Variants in PXDNL observed in about 807,000 individuals in gnomAD.
PXDNL encodes peroxidasin like, also known as probable oxidoreductase PXDNL.
A neutral mutation model predicts 150.8 loss-of-function variants in PXDNL; 145 were observed. The observed-to-expected ratio is 0.96, with a 90% CI of 0.84 to 1.10. The LOEUF (loss-of-function observed/expected upper bound fraction) is 1.10, where lower values mean the gene tolerates loss of function less well. Among genes scored for constraint, PXDNL ranks in the 50% least tolerant of loss-of-function variants. The probability of loss-of-function intolerance (pLI) is 0.00; values close to 1 mark genes in which losing one functional copy is unlikely to be tolerated. For missense variants in PXDNL, 2,087 were observed against 1,873.9 expected (o/e 1.11, Z -2.10); for synonymous variants, 757 against 725.7 (o/e 1.04, Z -0.69).
intron 1 of PXDNL, among the ~76,000 whole-genome samples, chr8:51,723,415 A>C (rs961260985): frequency 4.6e-5 from 7 of 152,040 alleles, no homozygotes; most frequent in South Asian, 4.2e-4. Flanking sequence ...GCTTCCCAGA[A>C]CTCGTGCCGT....
chr8:51,391,559 C>A (rs1316260653), intron 17 of PXDNL, among the ~76,000 whole-genome samples: 1 of 152,134 alleles, frequency 6.6e-6, no homozygotes, highest in Non-Finnish European at 1.5e-5. Context: ...AGTGTCTGTT[C>A]GTGTCCTTCA....
intron 14 of PXDNL, among the ~76,000 whole-genome samples, chr8:51,414,857 A>G (rs1808752743): frequency 6.6e-6 from 1 of 152,242 alleles, no homozygotes; most frequent in African/African-American, 2.4e-5. Flanking sequence ...TAATAAGGAT[A>G]TAACATGCTC....
intron 2 of PXDNL, among the ~76,000 whole-genome samples, chr8:51,650,512 C>A (rs962366135): frequency 9.2e-5 from 14 of 152,180 alleles, no homozygotes; most frequent in African/African-American, 3.1e-4. Flanking sequence ...CAGCCAGAGT[C>A]TTTTTTACAT....
At chr8:51,799,322 G>A (rs76180620) in intron 1 of PXDNL, among the ~76,000 whole-genome samples, 4,034 of 152,172 alleles carry the variant, frequency 0.027, 83 homozygotes, top group East Asian at 0.06. Flanking sequence ...TAGGTGCAGC[G>A]AGTCACTATA....
At chr8:51,448,144 G>C (rs1455508086) in intron 11 of PXDNL, among the ~76,000 whole-genome samples, 1 of 152,202 alleles carries the variant, frequency 6.6e-6, no homozygotes, top group Non-Finnish European at 1.5e-5. Flanking sequence ...ATGGAAAGTA[G>C]GATTCCCAAG....
chr8:51,794,040 G>A (rs1239502765), intron 1 of PXDNL, among the ~76,000 whole-genome samples: 3 of 151,890 alleles, frequency 2.0e-5, no homozygotes, highest in East Asian at 1.9e-4. Context: ...ATCATTAACC[G>A]AATAGACCAA....
intron 5 of PXDNL, among the ~76,000 whole-genome samples, chr8:51,486,218 A>C (rs1362234911): frequency 1.3e-5 from 2 of 152,230 alleles, no homozygotes. Context: ...AAAACAAATC[A>C]AAAGAAAAGT....
At chr8:51,339,498 C>T in intron 21 of PXDNL, 126 bp downstream of exon 21, 2 of 946,702 alleles carry the variant, frequency 2.1e-6, no homozygotes, top group Non-Finnish European at 3.1e-6. Context: ...AGCAATACAA[C>T]TCCCTGTATA....
chr8:51,625,306 TG>T (rs1054123620), intron 2 of PXDNL, among the ~76,000 whole-genome samples: 1 of 152,190 alleles, frequency 6.6e-6, no homozygotes. Context: ...AAGCGATGTA[TG>T]ATTTTAAAAT....
At chr8:51,351,870 C>T (rs1266118422) in intron 19 of PXDNL, among the ~76,000 whole-genome samples, 1 of 152,050 alleles carries the variant, frequency 6.6e-6, no homozygotes, top group Admixed American at 6.6e-5. Context: ...ATGTTATCTC[C>T]ACAACATAGT....
chr8:51,574,279 A>AT (rs1813006198), intron 3 of PXDNL, among the ~76,000 whole-genome samples: 1 of 152,046 alleles, frequency 6.6e-6, no homozygotes, highest in Non-Finnish European at 1.5e-5. Flanking sequence ...AGTAAAAAAA[A>AT]CTCAATGTAT....
At position 51,423,651 on chromosome 8, in the gene PXDNL, A is replaced by G. The variant is rs776699225; in HGVS notation, c.1719T>C (p.Pro573=). The G allele has an allele frequency of 6.2e-7, 1 of 1,613,984 alleles. No homozygotes were observed. Among genetic ancestry groups the G allele is most frequent in the South Asian group, 1.1e-5 (1 of 91,078 alleles). The stretch of plus-strand genomic sequence containing the variant: ...CCACACATTCATATCTTCCCTGGTC[A>G]GGGAACCCTGCGTCGTAGATAGTCA... ...GTLTIYDAGF[P]DQGRYECVAR... The change falls in exon 14 of 23, where the codon CCT becomes CCC. Residue 573 remains proline, a synonymous_variant. Transcript: ENST00000356297.
At chr8:51,592,526 C>T (rs1455130623) in intron 3 of PXDNL, 101 bp downstream of exon 3, 8 of 718,190 alleles carry the variant, frequency 1.1e-5, no homozygotes, top group African/African-American at 3.7e-5. Context: ...CTGCTTTTCA[C>T]GAAGGTAAAG....
chr8:51,409,483 G>A lies in PXDNL; in HGVS notation c.2141C>T (p.Pro714Leu), dbSNP rs1308067576. The A allele has an allele frequency of 5.0e-6, 8 of 1,612,528 alleles. No homozygotes were observed. The highest frequency in any genetic ancestry group is 6.8e-6 in the Non-Finnish European group (8 of 1,179,652). ...ACACCGGTTGGAGCAGTTTGGCAGA[G>A]GCCTGCGAGCTGTGCATCCAGATAA... Reference protein sequence around the residue: ...ANLSGCTARRPLPNCSNRCFH... With the variant: ...ANLSGCTARRLLPNCSNRCFH... Residue 714 changes from proline to leucine, a missense_variant, in exon 17 of 23, where the codon CCT becomes CTT. Transcript: ENST00000356297.
intron 21 of PXDNL, among the ~76,000 whole-genome samples, chr8:51,324,633 T>C (rs941053279): frequency 2.0e-5 from 3 of 152,218 alleles, no homozygotes; most frequent in Non-Finnish European, 1.5e-5. Context: ...CTATGCTGTC[T>C]CTGTTGTTGA....
chr8:51,720,375 G>C (rs1298480733), intron 1 of PXDNL, among the ~76,000 whole-genome samples: 4 of 151,960 alleles, frequency 2.6e-5, no homozygotes, highest in Non-Finnish European at 5.9e-5. Flanking sequence ...TTTCATTCAT[G>C]TTTATTTTCC....
intron 1 of PXDNL, among the ~76,000 whole-genome samples, chr8:51,749,233 C>T (rs4543529): frequency 0.97 from 148,078 of 152,310 alleles, 72,119 homozygotes; most frequent in East Asian, 1. Context: ...ACGACACTCT[C>T]GGAAGGTTTA....
At chr8:51,602,330 T>C (rs1813741218) in intron 2 of PXDNL, among the ~76,000 whole-genome samples, 1 of 152,068 alleles carries the variant, frequency 6.6e-6, no homozygotes, top group South Asian at 2.1e-4. Flanking sequence ...CATAGGTTAT[T>C]TTGCTTTACA....
At chr8:51,533,716 A>G (rs1318959743) in intron 4 of PXDNL, among the ~76,000 whole-genome samples, 17 of 150,814 alleles carry the variant, frequency 1.1e-4, no homozygotes, top group African/African-American at 4.2e-4. Context: ...CCAGCTCCTA[A>G]CCGCGAGTGA....
Sources: allele counts gnomAD v4.1 joint callset (sites outside exome capture counted in the v4.1 genomes callset), GRCh38; gene constraint gnomAD v4.1.1; transcripts MANE v1.5; gene names NCBI Gene and HGNC (gene_info 2026-07-23, HGNC 2026-07-21).